The following HTT variants were observed in gnomAD, a reference collection of about 807,000 sequenced individuals.
HTT encodes huntingtin.
HTT carries 104 observed loss-of-function variants against 362.3 expected under a neutral mutation model. The observed-to-expected ratio is 0.29, with a 90% CI of 0.24 to 0.34. The LOEUF is 0.34. HTT is among the 10% of genes least tolerant of loss of function. HTT has a pLI of 1.00. For missense variants in HTT, 3,301 were observed against 3,928.6 expected (o/e 0.84, Z 4.27); for synonymous variants, 1,577 against 1,548.7 (o/e 1.02, Z -0.43).
intron 40 of HTT, among the ~76,000 whole-genome samples, chr4:3,196,858 GA>G (rs1223604882): frequency 6.6e-6 from 1 of 152,004 alleles, no homozygotes; most frequent in African/African-American, 2.4e-5. Flanking sequence ...AGCCTTAAAT[GA>G]AAAACAAACC....
rs183295808 is a variant in HTT at position 3,152,319 on chromosome 4, C to T, written c.3499-1974C>T. 3.3e-5 allele frequency among the ~76,000 whole-genome samples: 5 copies of T among 152,198 alleles called. No homozygotes were observed. In the East Asian group the frequency reaches 9.7e-4, roughly 29 times the overall value. On this transcript the variant is annotated intron_variant, in intron 26 of 66. Transcript: ENST00000355072. ...TTCACCATGTTGGCCAGGCTGGTCTCGAACTTGTGACCTCGTGATTAGCCC... is the reference window on the plus strand; with the variant it reads ...TTCACCATGTTGGCCAGGCTGGTCTTGAACTTGTGACCTCGTGATTAGCCC...
At chr4:3,211,299 A>C (rs559709711) in intron 47 of HTT, among the ~76,000 whole-genome samples, 37 of 152,336 alleles carry the variant, frequency 2.4e-4, no homozygotes, top group African/African-American at 8.9e-4. Context: ...CAAATTTGCT[A>C]ATTGGGCTTT....
At chr4:3,137,519 T>G (rs1716125150) in intron 21 of HTT, among the ~76,000 whole-genome samples, 1 of 152,088 alleles carries the variant, frequency 6.6e-6, no homozygotes, top group Non-Finnish European at 1.5e-5. Context: ...GCCAACATGG[T>G]GAAACCTTGT....
chr4:3,130,931 C>T (rs1715780900), intron 14 of HTT, among the ~76,000 whole-genome samples: 1 of 152,158 alleles, frequency 6.6e-6, no homozygotes, highest in South Asian at 2.1e-4. Flanking sequence ...CAGGCTGTTG[C>T]CTTTCCCCAA....
intron 37 of HTT, among the ~76,000 whole-genome samples, chr4:3,184,686 G>A (rs1304284402): frequency 6.6e-6 from 1 of 152,104 alleles, no homozygotes; most frequent in African/African-American, 2.4e-5. Flanking sequence ...CTGTCTGGAT[G>A]TAGCAGTTGA....
intron 40 of HTT, among the ~76,000 whole-genome samples, chr4:3,196,640 A>G (rs1318948054): frequency 6.6e-6 from 1 of 151,818 alleles, no homozygotes; most frequent in East Asian, 1.9e-4. Flanking sequence ...CAGGAACCTG[A>G]GACAGGAGGA....
intron 29 of HTT, among the ~76,000 whole-genome samples, chr4:3,170,249 C>A (rs550729824): frequency 1.2e-4 from 18 of 152,022 alleles, no homozygotes; most frequent in Non-Finnish European, 2.5e-4. Flanking sequence ...TTGGGTCTTG[C>A]TTTATAATTT....
chr4:3,180,628 C>T lies in HTT; in HGVS notation c.4726C>T (p.Leu1576=), dbSNP rs767022920. ...AAAAGAGGTGGTGGTGTCAATGTTACTGAGACTCATCCAGTACCATCAGGT... is the reference window on the plus strand; with the variant it reads ...AAAAGAGGTGGTGGTGTCAATGTTATTGAGACTCATCCAGTACCATCAGGT... ...TQKEVVVSML[L]RLIQYHQVLE... Residue 1576 remains leucine (L), a synonymous_variant, in exon 36 of 67, where the codon CTG becomes TTG. Coordinates refer to ENST00000355072, the MANE Select transcript of HTT (RefSeq NM_001388492.1). The T allele has an allele frequency of 1.8e-5, 29 of 1,613,402 alleles. No homozygotes were observed. Among genetic ancestry groups the T allele is most frequent in the Non-Finnish European group, 2.3e-5 (27 of 1,179,810 alleles).
At chr4:3,160,472 G>A in intron 29 of HTT, 80 bp downstream of exon 29, 1 of 1,005,394 alleles carries the variant, frequency 9.9e-7, no homozygotes, top group South Asian at 1.4e-5. Context: ...ATCTAGGATG[G>A]AGCCTGGTTC....
chr4:3,121,163 A>G (rs1398540088), intron 8 of HTT, 65 bp from the exon 9 acceptor site: 1 of 1,254,408 alleles, frequency 8.0e-7, no homozygotes, highest in Non-Finnish European at 1.2e-6. Flanking sequence ...AAAACAACAA[A>G]AAAGTGAAGC....
At chr4:3,233,644 C>T (rs897927434) in intron 61 of HTT, among the ~76,000 whole-genome samples, 18 of 152,228 alleles carry the variant, frequency 1.2e-4, no homozygotes, top group African/African-American at 4.3e-4. Flanking sequence ...TCGAGGCCAT[C>T]GGCTCTCATT....
At position 3,074,912 on chromosome 4, in the gene HTT, G is replaced by GCAGCAGCAT; in HGVS notation, c.95_96insTCAGCAGCA (p.Gln31_Gln32insHisGlnGln). 6.7e-7 allele frequency: 1 copy of GCAGCAGCAT among 1,496,970 alleles called. No individual in the cohort carries two copies. Among genetic ancestry groups the GCAGCAGCAT allele is most frequent in the Non-Finnish European group, 8.9e-7 (1 of 1,127,916 alleles). The allele number at this position is 1,496,970 out of a possible 1,614,324, so 92.7% of individuals were successfully genotyped here. On this transcript the variant is annotated inframe_insertion, in exon 1 of 67. Transcript: ENST00000355072. Reference sequence around the variant, plus strand: ...AGCAGCAGCAGCAGCAGCAGCAGCAGCAGCAGCAGCAGCAGCAGCAGCAAC... The same window carrying GCAGCAGCAT: ...AGCAGCAGCAGCAGCAGCAGCAGCAGCAGCAGCATCAGCAGCAGCAGCAGCAGCAGCAAC...
At chr4:3,193,602 A>G (rs1008072031) in intron 40 of HTT, among the ~76,000 whole-genome samples, 5 of 152,186 alleles carry the variant, frequency 3.3e-5, no homozygotes, top group Non-Finnish European at 5.9e-5. Flanking sequence ...AATTGAGGCA[A>G]AATATTGTTA....
chr4:3,145,245 G>C lies in HTT; in HGVS notation c.3143+17G>C. On this transcript the variant is annotated intron_variant, in intron 24 of 66. Coordinates refer to ENST00000355072, the MANE Select transcript of HTT (RefSeq NM_001388492.1). ...GCACTGTGGGTATGTATTTTCCTCA[G>C]TATATATTAATAGTTGTCTACAACA... The C allele has an allele frequency of 6.6e-7, 1 of 1,512,434 alleles. No individual in the cohort carries two copies. Among genetic ancestry groups the C allele is most frequent in the Non-Finnish European group, 9.2e-7 (1 of 1,087,406 alleles). 93.7% of individuals were successfully genotyped at this position (1,512,434 alleles called of 1,614,324 possible). A position where few individuals can be genotyped will look rare whatever the true frequency, so the allele number is the denominator to read the frequency against.
intron 52 of HTT, among the ~76,000 whole-genome samples, chr4:3,219,652 G>A (rs1012514939): frequency 2.6e-5 from 4 of 152,202 alleles, no homozygotes; most frequent in Non-Finnish European, 5.9e-5. Context: ...AAGCTGAGCT[G>A]GCCAGACCGT....
chr4:3,212,842 A>C, intron 49 of HTT, 133 bp downstream of exon 49: 1 of 925,368 alleles, frequency 1.1e-6, no homozygotes, highest in Admixed American at 2.3e-5. Flanking sequence ...TCAGCCTGGC[A>C]GTAAGTCTTG....
intron 2 of HTT, among the ~76,000 whole-genome samples, chr4:3,090,301 A>G (rs1461248606): frequency 6.6e-6 from 1 of 152,222 alleles, no homozygotes; most frequent in East Asian, 1.9e-4. Flanking sequence ...GAGCATCAAA[A>G]TCATCTGGAA....
At chr4:3,205,308 A>G (rs967625122) in intron 42 of HTT, among the ~76,000 whole-genome samples, 1 of 152,168 alleles carries the variant, frequency 6.6e-6, no homozygotes, top group African/African-American at 2.4e-5. Context: ...GGTATCTTAT[A>G]GATACTACTG....
At chr4:3,189,352 T>C (rs1718913496) in intron 40 of HTT, among the ~76,000 whole-genome samples, 1 of 152,194 alleles carries the variant, frequency 6.6e-6, no homozygotes, top group African/African-American at 2.4e-5. Context: ...TTATTCACGA[T>C]AGCTAAAATG....
Sources: allele counts gnomAD v4.1 joint callset (sites outside exome capture counted in the v4.1 genomes callset), GRCh38; gene constraint gnomAD v4.1.1; transcripts MANE v1.5; gene names NCBI Gene and HGNC (gene_info 2026-07-23, HGNC 2026-07-21).